UNC13C: variants seen among roughly 807,000 people sequenced by gnomAD.
UNC13C encodes the protein protein unc-13 homolog C.
UNC13C carries 174 observed loss-of-function variants against 245.4 expected under a neutral mutation model. The observed-to-expected ratio is 0.71, with a 90% CI of 0.63 to 0.80. The LOEUF is 0.80. Ranked by LOEUF, UNC13C falls within the 30% of genes least tolerant of loss-of-function variation. UNC13C has a pLI of 0.00. For missense variants in UNC13C, 2,829 were observed against 2,602.9 expected (o/e 1.09, Z -1.89); for synonymous variants, 992 against 895.1 (o/e 1.11, Z -1.93).
intron 4 of UNC13C, among the ~76,000 whole-genome samples, chr15:54,189,209 T>C (rs923837406): frequency 8.5e-5 from 13 of 152,084 alleles, no homozygotes; most frequent in Non-Finnish European, 2.9e-5. Context: ...TGGAATAAAA[T>C]TAAAATGTGT....
intron 2 of UNC13C, among the ~76,000 whole-genome samples, chr15:54,098,860 G>C (rs1274478639): frequency 6.6e-6 from 1 of 152,100 alleles, no homozygotes; most frequent in South Asian, 2.1e-4. Flanking sequence ...ATCTCTAAAG[G>C]ACATTTTCAT....
intron 13 of UNC13C, among the ~76,000 whole-genome samples, chr15:54,310,691 T>A (rs2037844901): frequency 6.6e-6 from 1 of 151,698 alleles, no homozygotes; most frequent in Non-Finnish European, 1.5e-5. Flanking sequence ...GCCTTGGTAC[T>A]CTTAACTCTA....
intron 12 of UNC13C, among the ~76,000 whole-genome samples, chr15:54,299,921 C>T (rs1036776782): frequency 6.6e-6 from 1 of 152,162 alleles, no homozygotes; most frequent in Non-Finnish European, 1.5e-5. Context: ...AAGCCTGTTA[C>T]TGTCAGAGAC....
the UNC13C span, among the ~76,000 whole-genome samples, chr15:53,957,864 C>T: frequency 2.6e-5 from 4 of 152,190 alleles, no homozygotes; most frequent in Admixed American, 6.5e-5. Context: ...TCCCTGTCCC[C>T]AGGAGCTCAT....
the UNC13C span, among the ~76,000 whole-genome samples, chr15:53,890,494 T>C: frequency 3.3e-5 from 5 of 152,212 alleles, no homozygotes; most frequent in African/African-American, 4.8e-5. Flanking sequence ...CATCTGGTCC[T>C]GGACTTTTTT....
intron 17 of UNC13C, among the ~76,000 whole-genome samples, chr15:54,385,651 G>A (rs1244975512): frequency 5.3e-5 from 8 of 151,860 alleles, no homozygotes; most frequent in Non-Finnish European, 1.2e-4. Context: ...AGCAGACTAG[G>A]GTTACTATAC....
At chr15:54,211,595 G>T (rs2140751166) in intron 4 of UNC13C, among the ~76,000 whole-genome samples, 1 of 152,214 alleles carries the variant, frequency 6.6e-6, no homozygotes, top group East Asian at 1.9e-4. Context: ...CCGTGGGCTA[G>T]CTCCAGTGCA....
Position 54,293,911 on chromosome 15 carries a change from A to G in UNC13C, c.3835A>G (p.Thr1279Ala), listed in dbSNP as rs2037364873. The G allele has an allele frequency of 1.3e-6, 2 of 1,573,712 alleles. No homozygotes were observed. The highest frequency in any genetic ancestry group is 1.4e-5 in the African/African-American group (1 of 72,480). ...TATTTTCAGTGAGTGTCATAACTCCACAGATCGAATCAAAGTCAGAGTATG... is the reference window on the plus strand; with the variant it reads ...TATTTTCAGTGAGTGTCATAACTCCGCAGATCGAATCAAAGTCAGAGTATG... ...EKFYFECHNS[T>A]DRIKVRVWDE... The change falls in exon 11 of 33, where the codon ACA becomes GCA. Residue 1279 changes from threonine to alanine, a missense_variant. By Grantham distance (58) the Thr-to-Ala change is moderately conservative. Transcript: ENST00000260323.
At chr15:54,010,779 T>G (rs753591470) in intron 1 of UNC13C, among the ~76,000 whole-genome samples, 1 of 152,184 alleles carries the variant, frequency 6.6e-6, no homozygotes, top group Non-Finnish European at 1.5e-5. Flanking sequence ...TGTTCCTTAC[T>G]AAGGCATTAC....
At chr15:54,179,729 A>G (rs1423130528) in intron 4 of UNC13C, among the ~76,000 whole-genome samples, 1 of 152,110 alleles carries the variant, frequency 6.6e-6, no homozygotes, top group Non-Finnish European at 1.5e-5. Flanking sequence ...TCAATATTTA[A>G]AAATCAAAAT....
Position 54,403,715 on chromosome 15 carries a change from CAAAAAAAA to C in UNC13C, c.4847+10551_4847+10558del, listed in dbSNP as rs771818988. On this transcript the variant is annotated intron_variant, in intron 18 of 32. Transcript: ENST00000260323. ...TGAGCAACAGAGTGAGAACCTGTCT[CAAAAAAAA>C]AAAAAAAAAAAAAAAAGGCTTACAT... Among the ~76,000 whole-genome samples the C allele has an allele frequency of 5.3e-5, 3 of 56,868 alleles. No homozygotes were observed. In the East Asian group the frequency reaches 2.4e-3, roughly 45 times the overall value. 37.3% of individuals were successfully genotyped at this position (56,868 alleles called of 152,430 possible).
the UNC13C span, among the ~76,000 whole-genome samples, chr15:53,971,218 A>G: frequency 0.011 from 1,637 of 152,318 alleles, 11 homozygotes; most frequent in Non-Finnish European, 0.018. Context: ...CTCTTCAACA[A>G]ATAATGTTGA....
Position 54,322,074 on chromosome 15 carries a change from A to G in UNC13C, c.4404A>G (p.Arg1468=). The change falls in exon 14 of 33, where the codon CGA becomes CGG. Residue 1468 remains arginine, a synonymous_variant. Transcript: ENST00000260323. ...STNIQVSASD[R]FAATNFGREK... ...ACATACAGGTTTCTGCCTCAGATCG[A>G]TTTGCTGCTACCAACTTTGGTGTAA... 1 of 1,580,278 alleles carries G rather than the reference A, an allele frequency of 6.3e-7. No homozygotes were observed. Among genetic ancestry groups the G allele is most frequent in the African/African-American group, 1.3e-5 (1 of 74,216 alleles).
chr15:54,486,189 C>A (rs1254569976), intron 19 of UNC13C, among the ~76,000 whole-genome samples: 2 of 151,172 alleles, frequency 1.3e-5, no homozygotes, highest in African/African-American at 4.9e-5. Flanking sequence ...GTGGCCGCAT[C>A]ACTTGAGGTT....
chr15:54,028,259 G>C (rs558792303), intron 2 of UNC13C, among the ~76,000 whole-genome samples: 2 of 152,142 alleles, frequency 1.3e-5, no homozygotes, highest in East Asian at 3.9e-4. Flanking sequence ...TTCCTATGTG[G>C]GGTACATTCA....
chr15:54,574,764 A>C (rs891993347), intron 30 of UNC13C, among the ~76,000 whole-genome samples: 1 of 152,138 alleles, frequency 6.6e-6, no homozygotes, highest in Non-Finnish European at 1.5e-5. Flanking sequence ...TTTCATTTTT[A>C]ATGAGTGAAG....
At chr15:54,329,906 C>T (rs1161704024) in intron 14 of UNC13C, among the ~76,000 whole-genome samples, 2 of 152,036 alleles carry the variant, frequency 1.3e-5, no homozygotes, top group Non-Finnish European at 2.9e-5. Flanking sequence ...ATACATTTAA[C>T]TAAATAAGAT....
At chr15:54,549,510 G>T (rs1896638764) in intron 27 of UNC13C, 125 bp from the exon 28 acceptor site, 3 of 696,370 alleles carry the variant, frequency 4.3e-6, no homozygotes, top group Non-Finnish European at 7.1e-6. Flanking sequence ...CCAATTAAGG[G>T]CATCTGGCAT....
At chr15:54,423,725 A>G (rs2040701068) in intron 19 of UNC13C, among the ~76,000 whole-genome samples, 1 of 151,882 alleles carries the variant, frequency 6.6e-6, no homozygotes, top group African/African-American at 2.4e-5. Flanking sequence ...AACAGAGCTA[A>G]CTGCATTTTG....
Sources: allele counts gnomAD v4.1 joint callset (sites outside exome capture counted in the v4.1 genomes callset), GRCh38; gene constraint gnomAD v4.1.1; transcripts MANE v1.5; gene names NCBI Gene and HGNC (gene_info 2026-07-23, HGNC 2026-07-21).